Variants in IL36B observed in about 807,000 individuals in gnomAD.
IL36B encodes interleukin 36 beta, also known as interleukin-36 beta.
In IL36B, 23 loss-of-function variants were observed where a neutral mutation model predicts 19.3. The ratio of observed to expected loss-of-function variants is 1.19; its 90% CI spans 0.86 to 1.69. The LOEUF (loss-of-function observed/expected upper bound fraction) is 1.69, where lower values mean the gene tolerates loss of function less well. Ranked by LOEUF, IL36B falls within the 40% of genes most tolerant of loss-of-function variation. The pLI is 0.00. For synonymous variants in IL36B, 59 were observed against 59.7 expected, an observed-to-expected ratio of 0.99 and a Z score of 0.05; for missense variants, 217 against 200.5, an observed-to-expected ratio of 1.08 and a Z score of -0.50.
intron 1 of IL36B, among the ~76,000 whole-genome samples, chr2:113,046,399 C>T (rs1051289283): frequency 6.6e-5 from 10 of 151,986 alleles, no homozygotes; most frequent in African/African-American, 1.7e-4. Flanking sequence ...TTAGTAGAGA[C>T]GGTGTTTCAC....
At chr2:113,029,546 G>A (rs1392480585) in intron 3 of IL36B, among the ~76,000 whole-genome samples, 1 of 152,144 alleles carries the variant, frequency 6.6e-6, no homozygotes, top group Admixed American at 6.6e-5. Context: ...AGGGAAAGGA[G>A]GAATCAAGGA....
chr2:113,047,692 T>C (rs1350080595), intron 1 of IL36B, among the ~76,000 whole-genome samples: 1 of 152,104 alleles, frequency 6.6e-6, no homozygotes, highest in Non-Finnish European at 1.5e-5. Flanking sequence ...AATGTTTTTA[T>C]CCCCAGCCTT....
intron 1 of IL36B, among the ~76,000 whole-genome samples, chr2:113,051,272 G>A (rs1276867983): frequency 6.6e-5 from 10 of 152,238 alleles, no homozygotes; most frequent in Non-Finnish European, 1.5e-4. Flanking sequence ...CGGCGGAGGC[G>A]AGTCCGCAGG....
rs754697643 is a variant in IL36B at position 113,029,017 on chromosome 2, C to G, written c.183G>C (p.Met61Ile). ...CTTTTCCCTTGATTCCCAGGTAAAC[C>G]ATATTACCCTTTTCCTTGTCACTGA... is the stretch of plus-strand genomic sequence containing the variant. Residue 61 changes from methionine (M) to isoleucine (I), a missense_variant, in exon 4 of 6, where the codon ATG (methionine) becomes ATC (isoleucine). Coordinates refer to ENST00000259213, the MANE Select transcript of IL36B (RefSeq NM_014438.5). 6.2e-7 allele frequency: 1 copy of G among 1,613,812 alleles called. No individual in the cohort carries two copies. The highest frequency in any genetic ancestry group is 1.7e-5 in the Admixed American group (1 of 60,018).
rs1239721553 is a variant in IL36B, at chr2:113,026,144, C to T, written c.350G>A (p.Ser117Asn). ...TTGGTCAAGGGTTCCCATGAAGCAG[C>T]TCTCTCTCACATCCAGGTTTATGCA... The change falls in exon 5 of 6, where the codon AGC (serine) becomes AAC (asparagine). Residue 117 changes from serine to asparagine, a missense_variant. Ser to Asn is a conservative substitution (Grantham distance 46, BLOSUM62 1). Transcript: ENST00000259213. 7 of 1,613,760 alleles carry T rather than the reference C, an allele frequency of 4.3e-6. No individual in the cohort carries two copies. Among genetic ancestry groups the T allele is most frequent in the East Asian group, 2.2e-5 (1 of 44,886 alleles).
At chr2:113,050,427 T>C (rs544191587) in intron 1 of IL36B, among the ~76,000 whole-genome samples, 62 of 151,724 alleles carry the variant, frequency 4.1e-4, no homozygotes, top group Non-Finnish European at 7.2e-4. Context: ...AGTAAAATGG[T>C]GGTTGCCAGG....
intron 5 of IL36B, among the ~76,000 whole-genome samples, chr2:113,023,429 A>C (rs1244374649): frequency 1.3e-5 from 2 of 152,228 alleles, no homozygotes; most frequent in South Asian, 4.1e-4. Context: ...CCACACTGCT[A>C]TTATAGGCAT....
intron 3 of IL36B, 27 bp downstream of exon 3, chr2:113,031,021 G>A (rs1685064849): frequency 6.6e-7 from 1 of 1,505,182 alleles, no homozygotes; most frequent in South Asian, 1.1e-5. Flanking sequence ...ACCTCAAGAA[G>A]CAACAGTGGG....
At chr2:113,044,050 T>C (rs1299865005) in intron 1 of IL36B, among the ~76,000 whole-genome samples, 2 of 152,174 alleles carry the variant, frequency 1.3e-5, no homozygotes, top group Non-Finnish European at 2.9e-5. Context: ...ACAGGTCAAG[T>C]TGGGGAAAAT....
At chr2:113,024,666 C>G (rs537332835) in intron 5 of IL36B, among the ~76,000 whole-genome samples, 6 of 152,326 alleles carry the variant, frequency 3.9e-5, no homozygotes, top group African/African-American at 1.4e-4. Flanking sequence ...ACTCCTCTGG[C>G]AGAGGGCACA....
chr2:113,033,453 G>A (rs959368719), intron 1 of IL36B, among the ~76,000 whole-genome samples: 1 of 152,154 alleles, frequency 6.6e-6, no homozygotes, highest in Non-Finnish European at 1.5e-5. Flanking sequence ...TGCCCAGGCT[G>A]GTCTCAAACT....
intron 5 of IL36B, among the ~76,000 whole-genome samples, chr2:113,023,491 G>C (rs1247806711): frequency 6.6e-6 from 1 of 152,188 alleles, no homozygotes; most frequent in East Asian, 1.9e-4. Flanking sequence ...AATTTAACCT[G>C]CTAAACTGTA....
chr2:113,034,486 C>CTATTTATTTATT (rs58701438), intron 1 of IL36B, among the ~76,000 whole-genome samples: 1 of 151,366 alleles, frequency 6.6e-6, no homozygotes, highest in South Asian at 2.1e-4. Context: ...ATTTATCCAT[C>CTATTTATTTATT]TATTTATTTA....
intron 4 of IL36B, chr2:113,027,927 G>C (rs1396680514): frequency 1.2e-6 from 2 of 1,614,050 alleles, no homozygotes; most frequent in Admixed American, 1.7e-5. Flanking sequence ...CTAAGTAGAA[G>C]TTAGTGTTAT....
intron 1 of IL36B, among the ~76,000 whole-genome samples, chr2:113,045,832 C>T (rs900631283): frequency 1.3e-5 from 2 of 152,082 alleles, no homozygotes; most frequent in African/African-American, 4.8e-5. Flanking sequence ...TCTTTCATGT[C>T]TCTACTTAAA....
At position 113,041,982 on chromosome 2, in the gene IL36B, G is replaced by T. The variant is rs570353750; in HGVS notation, c.-57-10216C>A. Among the ~76,000 whole-genome samples, 10 of 152,292 alleles carry T rather than the reference G, an allele frequency of 6.6e-5. 1 individual carries two copies. In the South Asian group the frequency reaches 1.7e-3, roughly 25 times the overall value. On this transcript the variant is annotated intron_variant, in intron 1 of 5. Transcript: ENST00000259213. ...GCATTACCCTCAAGGATGCTGGGAG[G>T]CTTTTTCCAGGGAGCTGACAGTAGT...
chr2:113,028,853 G>T, intron 4 of IL36B, 86 bp downstream of exon 4: 1 of 1,404,226 alleles, frequency 7.1e-7, no homozygotes, highest in Non-Finnish European at 9.8e-7. Context: ...AGGGTTGCAA[G>T]CATATTATTT....
chr2:113,039,088 C>T (rs1685202961), intron 1 of IL36B, among the ~76,000 whole-genome samples: 1 of 152,190 alleles, frequency 6.6e-6, no homozygotes, highest in South Asian at 2.1e-4. Context: ...CTGCATCCAG[C>T]CTCCTCTCTC....
At chr2:113,031,624 G>A (rs1685077923) in intron 2 of IL36B, 73 bp downstream of exon 2, 5 of 1,237,490 alleles carry the variant, frequency 4.0e-6, no homozygotes, top group African/African-American at 1.5e-5. Flanking sequence ...AATGATAGGG[G>A]TCCTTCCATC....
Sources: gnomAD v4.1 joint callset for allele counts (sites outside exome capture counted in the v4.1 genomes callset) on GRCh38, gnomAD v4.1.1 for gene constraint, MANE v1.5 for transcripts, NCBI Gene and HGNC (gene_info 2026-07-23, HGNC 2026-07-21) for gene names.